Variants in MTHFD1L observed in about 807,000 individuals in gnomAD.
MTHFD1L encodes monofunctional C1-tetrahydrofolate synthase, mitochondrial.
MTHFD1L carries 81 observed loss-of-function variants against 119.5 expected under a neutral mutation model. The observed-to-expected ratio is 0.68, with a 90% CI of 0.57 to 0.82. The LOEUF is 0.82. MTHFD1L is among the 40% of genes least tolerant of loss of function. MTHFD1L has a pLI of 0.00. For synonymous variants in MTHFD1L, 430 were observed against 475.2 expected (o/e 0.90, Z 1.24); for missense variants, 1,125 against 1,253.4 (o/e 0.90, Z 1.55).
chr6:151,100,029 C>CT, intron 27 of MTHFD1L: 4 of 610,366 alleles, frequency 6.6e-6, no homozygotes, highest in Admixed American at 3.0e-5. Context: ...TATTTTCTTT[C>CT]TTTTCTTTTT....
intron 26 of MTHFD1L, among the ~76,000 whole-genome samples, chr6:151,086,019 G>T (rs550038156): frequency 6.6e-6 from 1 of 152,044 alleles, no homozygotes; most frequent in East Asian, 1.9e-4. Flanking sequence ...TCACCGTTTC[G>T]GTCCTTTGGT....
At chr6:151,017,024 C>T (rs1021275586) in intron 24 of MTHFD1L, among the ~76,000 whole-genome samples, 2 of 151,254 alleles carry the variant, frequency 1.3e-5, no homozygotes, top group African/African-American at 4.9e-5. Context: ...GTCCACCCGC[C>T]TCGGCCTCCC....
chr6:150,989,897 A>C (rs943621969), intron 20 of MTHFD1L, among the ~76,000 whole-genome samples: 25 of 152,216 alleles, frequency 1.6e-4, no homozygotes, highest in African/African-American at 6.0e-4. Flanking sequence ...TTACTGTAAA[A>C]ACTGCAGAGG....
At chr6:150,966,322 G>A (rs547466999) in intron 19 of MTHFD1L, among the ~76,000 whole-genome samples, 1 of 152,258 alleles carries the variant, frequency 6.6e-6, no homozygotes, top group African/African-American at 2.4e-5. Flanking sequence ...ACAGGAGAGA[G>A]AGGGCGAAGG....
chr6:151,061,229 C>A, intron 26 of MTHFD1L, among the ~76,000 whole-genome samples: 1 of 152,140 alleles, frequency 6.6e-6, no homozygotes, highest in East Asian at 1.9e-4. Flanking sequence ...GGAAACAGCA[C>A]GTGGGGTCAA....
intron 20 of MTHFD1L, among the ~76,000 whole-genome samples, chr6:150,972,815 C>A (rs1029109820): frequency 1.3e-5 from 2 of 152,138 alleles, no homozygotes; most frequent in Non-Finnish European, 2.9e-5. Flanking sequence ...GAGAGATTCC[C>A]AACCAGTAGA....
At chr6:150,935,086 G>A in intron 11 of MTHFD1L, 3 of 1,613,948 alleles carry the variant, frequency 1.9e-6, no homozygotes, top group African/African-American at 1.3e-5. Context: ...TATACAGGCT[G>A]CAGTTCAATG....
chr6:151,069,803 G>C (rs1456030890), intron 26 of MTHFD1L, among the ~76,000 whole-genome samples: 2 of 152,026 alleles, frequency 1.3e-5, no homozygotes, highest in East Asian at 3.9e-4. Flanking sequence ...CCAAGTGCTC[G>C]ATCACCCCAG....
chr6:150,865,866 C>T lies in MTHFD1L; in HGVS notation c.44C>T (p.Pro15Leu), dbSNP rs1483108179. The change falls in exon 1 of 28, where the codon CCG becomes CTG. Residue 15 changes from proline (P) to leucine (L), a missense_variant. Pro to Leu is a moderately conservative substitution (Grantham distance 98). Around this residue, in one of 3 missense-constraint regions of MTHFD1L, gnomAD observed 1,058 missense variants for 1,151.2 expected, o/e 0.92. Coordinates refer to ENST00000367321, the MANE Select transcript of MTHFD1L (RefSeq NM_015440.5). The stretch of plus-strand genomic sequence containing the variant: ...CTCGTCCTGCGCCAGCTCCGCCGCC[C>T]GCCCCAGCCCCCGGGCCCTCCGCGC... Reference protein sequence around the residue: ...LPLVLRQLRRPPQPPGPPRRL... With the variant: ...LPLVLRQLRRLPQPPGPPRRL... 1.7e-6 allele frequency: 2 copies of T among 1,210,904 alleles called. No homozygotes were observed. The highest frequency in any genetic ancestry group is 2.0e-6 in the Non-Finnish European group (2 of 975,940). 75.0% of individuals were successfully genotyped at this position (1,210,904 alleles called of 1,614,324 possible).
At position 151,101,181 on chromosome 6, in the gene MTHFD1L, TTA is replaced by T. The variant is rs1377251653; in HGVS notation, c.*32-344_*32-343del. On this transcript the variant is annotated intron_variant, in intron 27 of 27. Transcript: ENST00000367321. ...CTCAAAAAATTAAAAAAAAATTTTT[TTA>T]AATCCTAAATATTCTCATTCCACAG... Among the ~76,000 whole-genome samples the T allele has an allele frequency of 9.9e-5, 15 of 152,208 alleles. No homozygotes were observed. In the East Asian group the frequency reaches 1.2e-3, roughly 12 times the overall value.
intron 20 of MTHFD1L, among the ~76,000 whole-genome samples, chr6:150,982,466 AGT>A: frequency 6.6e-6 from 1 of 152,312 alleles, no homozygotes; most frequent in Non-Finnish European, 1.5e-5. Context: ...GATTGCTTCC[AGT>A]GTTCTGCTGT....
At chr6:151,012,312 G>A (rs1332616230) in intron 21 of MTHFD1L, among the ~76,000 whole-genome samples, 1 of 151,762 alleles carries the variant, frequency 6.6e-6, no homozygotes, top group African/African-American at 2.4e-5. Flanking sequence ...TGCTCATCTC[G>A]GTGTCCTTCC....
At chr6:150,877,973 G>A in intron 4 of MTHFD1L, 147 bp downstream of exon 4, 2 of 898,140 alleles carry the variant, frequency 2.2e-6, no homozygotes, top group Non-Finnish European at 3.5e-6. Context: ...CTTTTCTCTA[G>A]GGTAAATGCT....
chr6:150,941,159 C>A (rs1793033640), intron 13 of MTHFD1L, among the ~76,000 whole-genome samples: 1 of 152,174 alleles, frequency 6.6e-6, no homozygotes, highest in Non-Finnish European at 1.5e-5. Flanking sequence ...AAGGAGCCGG[C>A]CTTGTGAAGA....
At chr6:150,901,206 C>T (rs1430145652) in intron 7 of MTHFD1L, among the ~76,000 whole-genome samples, 1 of 152,150 alleles carries the variant, frequency 6.6e-6, no homozygotes, top group Non-Finnish European at 1.5e-5. Flanking sequence ...CAGTGGCTCA[C>T]GCCTGTAATC....
At chr6:150,973,961 T>C (rs1274381886) in intron 20 of MTHFD1L, among the ~76,000 whole-genome samples, 1 of 152,244 alleles carries the variant, frequency 6.6e-6, no homozygotes, top group Non-Finnish European at 1.5e-5. Context: ...AGAAACTGCT[T>C]TGTAAAATAT....
At chr6:150,987,625 A>G (rs756630080) in intron 20 of MTHFD1L, among the ~76,000 whole-genome samples, 1 of 152,258 alleles carries the variant, frequency 6.6e-6, no homozygotes, top group Non-Finnish European at 1.5e-5. Flanking sequence ...AAGGGGGAGC[A>G]GGAATTTGAA....
At chr6:150,873,188 A>G (rs1261042333) in intron 1 of MTHFD1L, among the ~76,000 whole-genome samples, 3 of 151,984 alleles carry the variant, frequency 2.0e-5, no homozygotes, top group Admixed American at 2.0e-4. Context: ...GGTGGCATGC[A>G]CCAGTAGTCC....
At chr6:151,043,519 G>A (rs1004596569) in intron 26 of MTHFD1L, among the ~76,000 whole-genome samples, 6 of 151,910 alleles carry the variant, frequency 3.9e-5, no homozygotes, top group Non-Finnish European at 5.9e-5. Context: ...CACTGCGCCC[G>A]GCCATCTCTC....
Sources: allele counts gnomAD v4.1 joint callset (sites outside exome capture counted in the v4.1 genomes callset), GRCh38; gene constraint gnomAD v4.1.1; regional missense constraint gnomAD v4.1.1; transcripts MANE v1.5; gene names NCBI Gene and HGNC (gene_info 2026-07-23, HGNC 2026-07-21).